PDE6A: variants seen among roughly 807,000 people sequenced by gnomAD.
The protein encoded by PDE6A is phosphodiesterase 6A.
In PDE6A, 84 loss-of-function variants were observed where a neutral mutation model predicts 106.3. The observed-to-expected ratio is 0.79, with a 90% CI of 0.66 to 0.95. PDE6A has a LOEUF of 0.95. Among genes scored for constraint, PDE6A ranks in the 40% least tolerant of loss-of-function variants. The pLI, the probability that PDE6A is intolerant of heterozygous loss-of-function variation, is 0.00. For missense variants in PDE6A, 1,052 were observed against 1,084.9 expected (o/e 0.97, Z 0.43); for synonymous variants, 394 against 386.6 (o/e 1.02, Z -0.23).
At chr5:149,928,231 A>ATTTTTTTTTTTTTTT (rs1165259453) in intron 4 of PDE6A, among the ~76,000 whole-genome samples, 4 of 19,746 alleles carry the variant, frequency 2.0e-4, no homozygotes, top group African/African-American at 9.6e-4. Context: ...ATATATATAT[A>ATTTTTTTTTTTTTTT]TTTTTTTTTT....
intron 6 of PDE6A, among the ~76,000 whole-genome samples, chr5:149,908,748 G>T (rs369738800): frequency 2.0e-5 from 3 of 152,144 alleles, no homozygotes; most frequent in African/African-American, 7.2e-5. Flanking sequence ...CTCAGGCAGT[G>T]GTGTGTGCCT....
chr5:149,895,375 T>C (rs1329794493), intron 12 of PDE6A, 85 bp from the exon 13 acceptor site: 2 of 883,618 alleles, frequency 2.3e-6, no homozygotes, highest in Non-Finnish European at 3.8e-6. Flanking sequence ...GAAGAAGGCA[T>C]GGCCCATGGC....
intron 8 of PDE6A, among the ~76,000 whole-genome samples, chr5:149,902,964 G>T (rs753400489): frequency 6.6e-6 from 1 of 151,854 alleles, no homozygotes; most frequent in Non-Finnish European, 1.5e-5. Flanking sequence ...ATTTGAACAG[G>T]AGATGATAGG....
intron 6 of PDE6A, among the ~76,000 whole-genome samples, chr5:149,907,836 T>C (rs1323232165): frequency 6.6e-6 from 1 of 152,216 alleles, no homozygotes; most frequent in Non-Finnish European, 1.5e-5. Flanking sequence ...TGCTTGTTTG[T>C]TGTGAGAAAA....
At chr5:149,928,227 A>ATTTTTT (rs1561778751) in intron 4 of PDE6A, among the ~76,000 whole-genome samples, 2 of 26,492 alleles carry the variant, frequency 7.5e-5, no homozygotes, top group African/African-American at 3.6e-4. Context: ...ATATATATAT[A>ATTTTTT]TATATTTTTT....
intron 4 of PDE6A, among the ~76,000 whole-genome samples, chr5:149,928,013 C>T (rs368465285): frequency 4.0e-5 from 6 of 151,494 alleles, no homozygotes; most frequent in East Asian, 3.9e-4. Flanking sequence ...GATAACAATG[C>T]TTTCTTCCAG....
chr5:149,941,700 G>A (rs1754331772), intron 1 of PDE6A, among the ~76,000 whole-genome samples: 1 of 152,160 alleles, frequency 6.6e-6, no homozygotes, highest in Non-Finnish European at 1.5e-5. Flanking sequence ...TTCTGCAAAA[G>A]ATTTGATTTG....
At chr5:149,916,398 C>G (rs766009301) in intron 5 of PDE6A, among the ~76,000 whole-genome samples, 1 of 152,212 alleles carries the variant, frequency 6.6e-6, no homozygotes, top group Non-Finnish European at 1.5e-5. Flanking sequence ...ACCAGCCATC[C>G]TCCCTGCAGG....
chr5:149,905,379 C>G (rs185614762), intron 7 of PDE6A, among the ~76,000 whole-genome samples: 29 of 152,322 alleles, frequency 1.9e-4, no homozygotes, highest in Admixed American at 8.5e-4. Context: ...ACACTCCTCT[C>G]TCTCCATGGC....
chr5:149,875,412 A>C (rs1760702971), intron 17 of PDE6A, among the ~76,000 whole-genome samples: 5 of 152,186 alleles, frequency 3.3e-5, no homozygotes, highest in Admixed American at 1.3e-4. Flanking sequence ...GCACATTTTT[A>C]AGTTGACATC....
intron 17 of PDE6A, among the ~76,000 whole-genome samples, chr5:149,873,579 G>A (rs1476466551): frequency 4.6e-5 from 7 of 152,086 alleles, no homozygotes; most frequent in African/African-American, 9.7e-5. Context: ...TGATCCGCCC[G>A]CCTTGGCCTC....
chr5:149,915,039 T>A, intron 5 of PDE6A, 32 bp from the exon 6 acceptor site: 1 of 1,378,608 alleles, frequency 7.3e-7, no homozygotes, highest in African/African-American at 1.5e-5. Flanking sequence ...ATACTTTTTT[T>A]TTTTTTTTTT....
At chr5:149,933,066 C>T (rs564571219) in intron 3 of PDE6A, among the ~76,000 whole-genome samples, 3 of 152,306 alleles carry the variant, frequency 2.0e-5, no homozygotes, top group East Asian at 1.9e-4. Context: ...GATCATAGCT[C>T]ACTGTAGTCT....
At chr5:149,908,679 AT>A (rs199665248) in intron 6 of PDE6A, among the ~76,000 whole-genome samples, 1 of 149,938 alleles carries the variant, frequency 6.7e-6, no homozygotes, top group African/African-American at 2.4e-5. Context: ...ACTTTTACTC[AT>A]TTTTTGTTCC....
In PDE6A at chr5:149,859,472, G is replaced by A. The variant is rs560932756; in HGVS notation, c.*1423C>T. 1 of 152,300 alleles carries A rather than the reference G, an allele frequency of 6.6e-6. No individual in the cohort carries two copies. Among genetic ancestry groups the A allele is most frequent in the African/African-American group, 2.4e-5 (1 of 41,468 alleles). 9.4% of individuals were successfully genotyped at this position (152,300 alleles called of 1,614,324 possible). On this transcript the variant is annotated 3_prime_UTR_variant, in exon 22 of 22. Transcript: ENST00000255266. ...CAGTGCCCTGGGGACCGATGCTTGGGGAAGGGAAGGAAATAGGAGTGGGCA... is the reference window on the plus strand; with the variant it reads ...CAGTGCCCTGGGGACCGATGCTTGGAGAAGGGAAGGAAATAGGAGTGGGCA...
At chr5:149,917,513 T>C (rs1753591732) in intron 5 of PDE6A, among the ~76,000 whole-genome samples, 1 of 152,182 alleles carries the variant, frequency 6.6e-6, no homozygotes. Flanking sequence ...GAGGCTCTGC[T>C]GCTCAAAGCC....
intron 17 of PDE6A, among the ~76,000 whole-genome samples, chr5:149,879,291 C>T (rs554861498): frequency 6.6e-6 from 1 of 152,240 alleles, no homozygotes; most frequent in Non-Finnish European, 1.5e-5. Flanking sequence ...AGACTGGTCT[C>T]CAACTTCAGA....
intron 14 of PDE6A, 98 bp from the exon 15 acceptor site, chr5:149,884,965 T>G: frequency 1.0e-6 from 1 of 958,672 alleles, no homozygotes; most frequent in Non-Finnish European, 1.7e-6. Flanking sequence ...TCTCCACAAG[T>G]GATTCCGAGT....
At chr5:149,895,329 G>T in intron 12 of PDE6A, 39 bp from the exon 13 acceptor site, 1 of 1,358,700 alleles carries the variant, frequency 7.4e-7, no homozygotes, top group Non-Finnish European at 1.1e-6. Flanking sequence ...GGACACACCT[G>T]AAATGGTCTC....
Sources: gnomAD v4.1 joint callset for allele counts (sites outside exome capture counted in the v4.1 genomes callset) on GRCh38, gnomAD v4.1.1 for gene constraint, MANE v1.5 for transcripts, NCBI Gene and HGNC (gene_info 2026-07-23, HGNC 2026-07-21) for gene names.